USP31: variants seen among roughly 807,000 people sequenced by gnomAD.
USP31 encodes the protein ubiquitin specific peptidase 31.
Under a neutral mutation model 119.4 loss-of-function variants are expected in USP31, and 44 were observed. The observed-to-expected ratio is 0.37, with a 90% CI of 0.29 to 0.47. USP31 has a LOEUF of 0.47. USP31 is among the 20% of genes least tolerant of loss of function. The pLI, the probability that USP31 is intolerant of heterozygous loss-of-function variation, is 0.99. For missense variants in USP31, 1,643 were observed against 1,730.2 expected, an observed-to-expected ratio of 0.95 and a Z score of 0.89; for synonymous variants, 749 against 705.6, an observed-to-expected ratio of 1.06 and a Z score of -0.97.
rs750625317 is a variant in USP31 at position 23,080,112 on chromosome 16, G to A, written c.2010C>T (p.Asp670=). ...NMVKFPLTGL[D]MTPHVVKRSQ... ...TCCTCTTAACCACGTGAGGTGTCAT[G>A]TCCAGGCCAGTCAAGGGGAATTTGA... The change falls in exon 13 of 16, where the codon GAC becomes GAT. Residue 670 remains aspartate, a synonymous_variant. Coordinates refer to ENST00000219689, the MANE Select transcript of USP31 (RefSeq NM_020718.4). 3.7e-6 allele frequency: 6 copies of A among 1,605,184 alleles called. No individual in the cohort carries two copies. Among genetic ancestry groups the A allele is most frequent in the Non-Finnish European group, 5.1e-6 (6 of 1,176,496 alleles).
At chr16:23,142,963 A>T (rs1903394765) in intron 1 of USP31, among the ~76,000 whole-genome samples, 1 of 152,222 alleles carries the variant, frequency 6.6e-6, no homozygotes. Flanking sequence ...ATGGGTTTGC[A>T]GCATAGCACC....
At chr16:23,124,067 G>A (rs895484216) in intron 1 of USP31, among the ~76,000 whole-genome samples, 1 of 151,764 alleles carries the variant, frequency 6.6e-6, no homozygotes, top group Non-Finnish European at 1.5e-5. Flanking sequence ...GATAAAGCAA[G>A]AGAAAACTAG....
At chr16:23,073,074 G>A (rs191964324) in intron 14 of USP31, among the ~76,000 whole-genome samples, 5 of 152,162 alleles carry the variant, frequency 3.3e-5, no homozygotes, top group Non-Finnish European at 5.9e-5. Context: ...ATTCAGAAAC[G>A]TGTGTCCACT....
chr16:23,148,926 C>A lies in USP31; in HGVS notation c.345G>T (p.Ala115=), dbSNP rs1298244229. ...PPCPPPPASP[A]PPACAAEPVP... Reference sequence around the variant, plus strand: ...CCGGCTCGGCGGCGCAAGCGGGCGGCGCGGGAGAGGCGGGCGGCGGCGGGC... The same window carrying A: ...CCGGCTCGGCGGCGCAAGCGGGCGGAGCGGGAGAGGCGGGCGGCGGCGGGC... The change falls in exon 1 of 16, where the codon GCG becomes GCT. Residue 115 remains alanine, a synonymous_variant. Transcript: ENST00000219689. The A allele has an allele frequency of 2.3e-5, 29 of 1,241,004 alleles. No homozygotes were observed. Among genetic ancestry groups the A allele is most frequent in the Non-Finnish European group, 2.9e-5 (29 of 987,364 alleles). 76.9% of individuals were successfully genotyped at this position (1,241,004 alleles called of 1,614,324 possible).
chr16:23,088,679 G>A (rs1359018295), intron 7 of USP31, among the ~76,000 whole-genome samples: 1 of 152,226 alleles, frequency 6.6e-6, no homozygotes, highest in Non-Finnish European at 1.5e-5. Context: ...TGAAGACCCA[G>A]TGGAGGTATT....
At chr16:23,116,919 T>C (rs569191432) in intron 1 of USP31, among the ~76,000 whole-genome samples, 10 of 152,324 alleles carry the variant, frequency 6.6e-5, no homozygotes, top group African/African-American at 2.2e-4. Flanking sequence ...GAGAAAAGCA[T>C]GTTATTCCTG....
At chr16:23,141,540 G>A (rs904738479) in intron 1 of USP31, among the ~76,000 whole-genome samples, 2 of 152,080 alleles carry the variant, frequency 1.3e-5, no homozygotes, top group African/African-American at 4.8e-5. Context: ...ACCACGCCCG[G>A]CTAATTTTTG....
At chr16:23,076,961 CA>C (rs993583829) in intron 13 of USP31, among the ~76,000 whole-genome samples, 4 of 152,098 alleles carry the variant, frequency 2.6e-5, no homozygotes, top group Admixed American at 6.5e-5. Flanking sequence ...GGTAATGCCA[CA>C]AAAGCAAAAA....
At chr16:23,124,618 G>T (rs2141890543) in intron 1 of USP31, among the ~76,000 whole-genome samples, 1 of 152,332 alleles carries the variant, frequency 6.6e-6, no homozygotes, top group Middle Eastern at 3.4e-3. Context: ...TCATGGCCGG[G>T]CATGGTGGCT....
At chr16:23,087,066 G>C (rs753511416) in intron 9 of USP31, 26 bp downstream of exon 9, 96 of 1,564,134 alleles carry the variant, frequency 6.1e-5, no homozygotes, top group Non-Finnish European at 7.8e-5. Context: ...ATTCTAAAAG[G>C]TAATTTAAAA....
At chr16:23,101,459 A>T (rs1011306918) in intron 6 of USP31, among the ~76,000 whole-genome samples, 1 of 152,176 alleles carries the variant, frequency 6.6e-6, no homozygotes, top group Non-Finnish European at 1.5e-5. Context: ...AATCAAAAGA[A>T]AAGTGGAGGC....
At chr16:23,127,002 C>T (rs1333783758) in intron 1 of USP31, among the ~76,000 whole-genome samples, 1 of 152,150 alleles carries the variant, frequency 6.6e-6, no homozygotes, top group Non-Finnish European at 1.5e-5. Flanking sequence ...GGATCAGAGA[C>T]AGAGCTAGAT....
chr16:23,119,409 T>C (rs541592643), intron 1 of USP31, among the ~76,000 whole-genome samples: 2 of 152,318 alleles, frequency 1.3e-5, no homozygotes, highest in South Asian at 2.1e-4. Flanking sequence ...ATTACCACTA[T>C]TGTTCAACCT....
chr16:23,093,478 T>A (rs200148226), intron 6 of USP31, among the ~76,000 whole-genome samples: 1 of 152,208 alleles, frequency 6.6e-6, no homozygotes, highest in Non-Finnish European at 1.5e-5. Context: ...AAAACCTCAA[T>A]GAAGTAACAC....
rs1900032987 is a variant in USP31 at position 23,065,575 on chromosome 16, T to A, written c.*2471A>T. On this transcript the variant is annotated 3_prime_UTR_variant, in exon 16 of 16. Transcript: ENST00000219689. ...TCATGATGTCTAGACAATGCCATGA[T>A]ACTTCCTGATTTTTTCTATTAAACC... The A allele has an allele frequency of 6.6e-6, 1 of 152,632 alleles. No individual in the cohort carries two copies. The highest frequency in any genetic ancestry group is 2.1e-4 in the South Asian group (1 of 4,828). 9.5% of individuals were successfully genotyped at this position (152,632 alleles called of 1,614,324 possible). A position where few individuals can be genotyped will look rare whatever the true frequency, so the allele number is the denominator to read the frequency against.
intron 6 of USP31, among the ~76,000 whole-genome samples, chr16:23,101,070 A>T (rs1292588566): frequency 6.6e-6 from 1 of 152,226 alleles, no homozygotes; most frequent in African/African-American, 2.4e-5. Flanking sequence ...AAGGGGAACC[A>T]CTGGTAAATC....
At chr16:23,136,248 T>A (rs1903186425) in intron 1 of USP31, among the ~76,000 whole-genome samples, 1 of 152,050 alleles carries the variant, frequency 6.6e-6, no homozygotes, top group African/African-American at 2.4e-5. Flanking sequence ...ACTATAAAAC[T>A]CTCAGAAGAA....
intron 5 of USP31, among the ~76,000 whole-genome samples, chr16:23,105,168 TTAAG>T (rs1902044147): frequency 6.6e-6 from 1 of 152,200 alleles, no homozygotes. Flanking sequence ...TTAAGAAGGG[TTAAG>T]TAATTATACC....
intron 6 of USP31, among the ~76,000 whole-genome samples, chr16:23,100,683 G>A (rs1476848008): frequency 1.3e-5 from 2 of 152,206 alleles, no homozygotes; most frequent in Non-Finnish European, 2.9e-5. Flanking sequence ...TAAGGTTGCG[G>A]TGAGCCAAGA....
Sources: gnomAD v4.1 joint callset for allele counts (sites outside exome capture counted in the v4.1 genomes callset) on GRCh38, gnomAD v4.1.1 for gene constraint, MANE v1.5 for transcripts, NCBI Gene and HGNC (gene_info 2026-07-23, HGNC 2026-07-21) for gene names.